The following TCF7L1 variants were observed in gnomAD, a reference collection of about 807,000 sequenced individuals.
TCF7L1 encodes the protein transcription factor 7-like 1.
In TCF7L1, 18 loss-of-function variants were observed where a neutral mutation model predicts 63.7. The ratio of observed to expected loss-of-function variants is 0.28; its 90% CI spans 0.20 to 0.42. The LOEUF (loss-of-function observed/expected upper bound fraction) is 0.42, where lower values mean the gene tolerates loss of function less well. Among genes scored for constraint, TCF7L1 ranks in the 10% least tolerant of loss-of-function variants. The pLI is 1.00. For missense variants in TCF7L1, 654 were observed against 779.3 expected (o/e 0.84, Z 1.91); for synonymous variants, 355 against 340.9 (o/e 1.04, Z -0.46).
intron 3 of TCF7L1, among the ~76,000 whole-genome samples, chr2:85,175,463 C>T (rs1447476986): frequency 1.3e-5 from 2 of 152,162 alleles, no homozygotes; most frequent in South Asian, 2.1e-4. Context: ...TGGGGAGCCA[C>T]GGGGGCAAGT....
intron 3 of TCF7L1, among the ~76,000 whole-genome samples, chr2:85,263,953 A>T (rs986000728): frequency 1.3e-5 from 2 of 152,236 alleles, no homozygotes; most frequent in African/African-American, 4.8e-5. Context: ...TTTGGTAGTT[A>T]GGAGGTCAGC....
In TCF7L1 at chr2:85,304,008, C is replaced by T. The variant is rs1682046757; in HGVS notation, c.761+11C>T. 1 of 1,588,200 alleles carries T rather than the reference C, an allele frequency of 6.3e-7. No individual in the cohort carries two copies. Among genetic ancestry groups the T allele is most frequent in the African/African-American group, 1.4e-5 (1 of 74,050 alleles). ...CTGGCTCGTCCCACAGTAAGGAACC[C>T]ACAGCCTCTCTTCCCCCTGCTCCCT... On this transcript the variant is annotated intron_variant, in intron 6 of 11. Coordinates refer to ENST00000282111, the MANE Select transcript of TCF7L1 (RefSeq NM_031283.3).
chr2:85,227,693 C>T (rs1231748516), intron 3 of TCF7L1, among the ~76,000 whole-genome samples: 1 of 152,038 alleles, frequency 6.6e-6, no homozygotes, highest in Non-Finnish European at 1.5e-5. Context: ...TTCCCATCCT[C>T]CTTATAAGCT....
chr2:85,192,117 G>A (rs1209034413), intron 3 of TCF7L1, among the ~76,000 whole-genome samples: 7 of 152,228 alleles, frequency 4.6e-5, no homozygotes, highest in African/African-American at 9.6e-5. Flanking sequence ...TGCAGCCACA[G>A]TTAGCTGAGG....
chr2:85,151,048 G>T (rs2104205088), intron 3 of TCF7L1, among the ~76,000 whole-genome samples: 1 of 152,172 alleles, frequency 6.6e-6, no homozygotes, highest in South Asian at 2.1e-4. Context: ...AGATATCTTG[G>T]GGTCTCTCAT....
chr2:85,133,715 G>C lies in TCF7L1; in HGVS notation c.31G>C (p.Gly11Arg). 1 of 1,137,086 alleles carries C rather than the reference G, an allele frequency of 8.8e-7. No individual in the cohort carries two copies. Among genetic ancestry groups the C allele is most frequent in the Middle Eastern group, 3.7e-4 (1 of 2,732 alleles). The allele number at this position is 1,137,086 out of a possible 1,614,324, so 70.4% of individuals were successfully genotyped here. ...CCAGCTCGGCGGCGGGGGCGGCGGC[G>C]GCGGCGGCGGCAGCGGGGGAGGCGG... MPQLGGGGGG[G>R]GGGSGGGGGS... is the part of the protein sequence containing the mutation. The change falls in exon 1 of 12, where the codon GGC becomes CGC. Residue 11 changes from glycine (G) to arginine (R), a missense_variant. Around this residue, in one of 3 missense-constraint regions of TCF7L1, gnomAD observed 404 missense variants for 454.8 expected, o/e 0.89. Coordinates refer to ENST00000282111, the MANE Select transcript of TCF7L1 (RefSeq NM_031283.3). This position sits in a 1 kb window ranked among gnomAD's most constrained non-coding sequence, Gnocchi z 4.4.
At chr2:85,175,741 C>T (rs1282498820) in intron 3 of TCF7L1, among the ~76,000 whole-genome samples, 1 of 152,182 alleles carries the variant, frequency 6.6e-6, no homozygotes, top group Non-Finnish European at 1.5e-5. Context: ...CTGGGAATGA[C>T]AGGAAGAGGG....
chr2:85,256,397 G>C (rs551652704), intron 3 of TCF7L1, among the ~76,000 whole-genome samples: 1 of 152,304 alleles, frequency 6.6e-6, no homozygotes, highest in African/African-American at 2.4e-5. Flanking sequence ...GGAGGATTTG[G>C]GTGGGGGAAG....
At chr2:85,241,662 C>T (rs991178856) in intron 3 of TCF7L1, among the ~76,000 whole-genome samples, 7 of 152,056 alleles carry the variant, frequency 4.6e-5, no homozygotes, top group African/African-American at 1.2e-4. Context: ...TCAGGTTGGT[C>T]TCGAACTCCT....
At chr2:85,217,415 G>A (rs889704492) in intron 3 of TCF7L1, among the ~76,000 whole-genome samples, 2 of 152,144 alleles carry the variant, frequency 1.3e-5, no homozygotes, top group Non-Finnish European at 2.9e-5. Flanking sequence ...GAGTTCAAAT[G>A]AGGGAAGACA....
intron 3 of TCF7L1, among the ~76,000 whole-genome samples, chr2:85,221,631 A>AC (rs1679842623): frequency 6.6e-6 from 1 of 151,988 alleles, no homozygotes; most frequent in South Asian, 2.1e-4. Flanking sequence ...TTAATCAGGA[A>AC]CCCACTCCCA....
At chr2:85,242,874 A>G (rs961197381) in intron 3 of TCF7L1, among the ~76,000 whole-genome samples, 9 of 151,922 alleles carry the variant, frequency 5.9e-5, no homozygotes, top group Non-Finnish European at 1.0e-4. Flanking sequence ...TTCCTAGTAC[A>G]CTGTACTGTT....
intron 3 of TCF7L1, among the ~76,000 whole-genome samples, chr2:85,249,214 C>T (rs1358302901): frequency 6.6e-6 from 1 of 152,204 alleles, no homozygotes; most frequent in East Asian, 1.9e-4. Context: ...TTTGGAATTT[C>T]CATCTGGGAA....
chr2:85,271,236 C>A (rs1681146475), intron 3 of TCF7L1, among the ~76,000 whole-genome samples: 1 of 151,776 alleles, frequency 6.6e-6, no homozygotes, highest in African/African-American at 2.4e-5. Context: ...CCTCAGCCTC[C>A]CAAGTAGCTA....
intron 3 of TCF7L1, among the ~76,000 whole-genome samples, chr2:85,267,106 C>T (rs1047383355): frequency 2.0e-5 from 3 of 152,122 alleles, no homozygotes; most frequent in South Asian, 2.1e-4. Flanking sequence ...TTTGGGAGGC[C>T]GAGGCGGGCG....
chr2:85,294,785 C>A (rs1681805682), intron 4 of TCF7L1, among the ~76,000 whole-genome samples: 1 of 152,160 alleles, frequency 6.6e-6, no homozygotes, highest in South Asian at 2.1e-4. Flanking sequence ...GTAATCCCAG[C>A]ACTTTGGGAA....
intron 3 of TCF7L1, among the ~76,000 whole-genome samples, chr2:85,210,689 G>T (rs1401598890): frequency 6.6e-6 from 1 of 152,174 alleles, no homozygotes; most frequent in South Asian, 2.1e-4. Context: ...CTTCCATGGG[G>T]CGTGGCAAGG....
intron 3 of TCF7L1, among the ~76,000 whole-genome samples, chr2:85,261,168 G>A (rs976091727): frequency 1.3e-4 from 19 of 144,846 alleles, no homozygotes; most frequent in Non-Finnish European, 2.1e-4. Context: ...GTGTGTGTGT[G>A]TGTGGTATTT....
intron 3 of TCF7L1, among the ~76,000 whole-genome samples, chr2:85,214,961 C>T (rs754115863): frequency 3.9e-5 from 6 of 152,174 alleles, no homozygotes; most frequent in Non-Finnish European, 7.3e-5. Flanking sequence ...TCAGTCCAGA[C>T]ATTTAAAACA....
Sources: allele counts gnomAD v4.1 joint callset (sites outside exome capture counted in the v4.1 genomes callset), GRCh38; gene constraint gnomAD v4.1.1; regional missense constraint gnomAD v4.1.1; non-coding constraint Gnocchi (gnomAD v3.1); transcripts MANE v1.5; gene names NCBI Gene and HGNC (gene_info 2026-07-23, HGNC 2026-07-21).